The following PRKD1 variants were observed in gnomAD, a reference collection of about 807,000 sequenced individuals.
PRKD1 encodes the protein protein kinase D1, also known as serine/threonine-protein kinase D1.
In PRKD1, 63 loss-of-function variants were observed where a neutral mutation model predicts 95.9. The ratio of observed to expected loss-of-function variants is 0.66; its 90% CI spans 0.54 to 0.81. The LOEUF is 0.81. PRKD1 is among the 30% of genes least tolerant of loss of function. The pLI is 0.00. For missense variants in PRKD1, 1,048 were observed against 1,165.3 expected (o/e 0.90, Z 1.47); for synonymous variants, 425 against 423.1 (o/e 1.00, Z -0.05).
intron 2 of PRKD1, among the ~76,000 whole-genome samples, chr14:29,699,160 A>G (rs1884694844): frequency 6.6e-6 from 1 of 152,226 alleles, no homozygotes; most frequent in Non-Finnish European, 1.5e-5. Context: ...TCTACATGTG[A>G]AAGTATTTCT....
intron 1 of PRKD1, among the ~76,000 whole-genome samples, chr14:29,760,349 CTTT>C (rs36093531): frequency 5.3e-5 from 6 of 114,144 alleles, no homozygotes; most frequent in Admixed American, 3.0e-4. Context: ...ATTTTCTCAA[CTTT>C]TTTTTTTTTT....
intron 9 of PRKD1, among the ~76,000 whole-genome samples, chr14:29,632,422 G>A (rs144572741): frequency 6.6e-6 from 1 of 151,950 alleles, no homozygotes; most frequent in East Asian, 1.9e-4. Context: ...AAAAATTGCT[G>A]CCATTTTTTT....
chr14:29,608,501 G>T (rs766146722), intron 13 of PRKD1, among the ~76,000 whole-genome samples: 1 of 151,964 alleles, frequency 6.6e-6, no homozygotes, highest in South Asian at 2.1e-4. Context: ...TTTTCTCAGA[G>T]AATTAAAAAA....
chr14:29,599,810 T>C lies in PRKD1; in HGVS notation c.1913A>G (p.His638Arg). 6.2e-7 allele frequency: 1 copy of C among 1,606,994 alleles called. No homozygotes were observed. The highest frequency in any genetic ancestry group is 2.2e-5 in the East Asian group (1 of 44,802). Reference sequence around the variant, plus strand: ...CTCCAAATTTACAACACCAGGGTGATGAAGGTTCTATTAAAGATAAATAAA... The same window carrying C: ...CTCCAAATTTACAACACCAGGGTGACGAAGGTTCTATTAAAGATAAATAAA... ...RNEVAILQNL[H>R]HPGVVNLECM... is the part of the protein sequence containing the mutation. Residue 638 changes from histidine (H) to arginine (R), a missense_variant, in exon 14 of 18, where the codon CAT becomes CGT. Coordinates refer to ENST00000331968, the MANE Select transcript of PRKD1 (RefSeq NM_002742.3).
intron 4 of PRKD1, among the ~76,000 whole-genome samples, chr14:29,639,327 G>T (rs1880599469): frequency 6.6e-6 from 1 of 152,092 alleles, no homozygotes; most frequent in Non-Finnish European, 1.5e-5. Context: ...AATGCCTCCT[G>T]TTTGCCCTAC....
chr14:29,682,808 G>A (rs931082615), intron 2 of PRKD1, among the ~76,000 whole-genome samples: 1 of 152,198 alleles, frequency 6.6e-6, no homozygotes, highest in Non-Finnish European at 1.5e-5. Flanking sequence ...TAAATGTGGT[G>A]CTTAAAATGC....
intron 1 of PRKD1, among the ~76,000 whole-genome samples, chr14:29,897,215 C>T (rs1371136487): frequency 6.6e-6 from 1 of 152,100 alleles, no homozygotes; most frequent in Non-Finnish European, 1.5e-5. Context: ...TCCACATCCA[C>T]ATTTTAATCT....
At chr14:29,751,459 C>T (rs942567039) in intron 1 of PRKD1, among the ~76,000 whole-genome samples, 1 of 152,120 alleles carries the variant, frequency 6.6e-6, no homozygotes, top group African/African-American at 2.4e-5. Context: ...TTTATAAGGA[C>T]ATGATGTCTA....
chr14:29,689,031 A>G (rs111574374), intron 2 of PRKD1, among the ~76,000 whole-genome samples: 10,166 of 151,462 alleles, frequency 0.067, 876 homozygotes, highest in African/African-American at 0.2. Context: ...TCTATGCAAT[A>G]CCATTCAGGA....
chr14:29,790,257 G>A (rs375265427), intron 1 of PRKD1, among the ~76,000 whole-genome samples: 34 of 151,624 alleles, frequency 2.2e-4, no homozygotes, highest in East Asian at 1.9e-4. Context: ...TGACCTGCCC[G>A]CCTCAGCCTC....
chr14:29,726,008 A>C (rs150142424), intron 1 of PRKD1, among the ~76,000 whole-genome samples: 261 of 152,272 alleles, frequency 1.7e-3, no homozygotes, highest in Middle Eastern at 6.8e-3. Context: ...GTGCACTTTC[A>C]GATGATTTAC....
At chr14:29,869,987 T>C (rs1404664915) in intron 1 of PRKD1, among the ~76,000 whole-genome samples, 1 of 152,136 alleles carries the variant, frequency 6.6e-6, no homozygotes, top group African/African-American at 2.4e-5. Flanking sequence ...TCTTAATGAT[T>C]CTCCTTCAAT....
chr14:29,781,458 A>G (rs1464945711), intron 1 of PRKD1, among the ~76,000 whole-genome samples: 1 of 152,176 alleles, frequency 6.6e-6, no homozygotes, highest in African/African-American at 2.4e-5. Context: ...CCATCAGTTC[A>G]GCTACCACTG....
intron 4 of PRKD1, among the ~76,000 whole-genome samples, chr14:29,653,335 G>A (rs1286114819): frequency 6.6e-6 from 1 of 152,066 alleles, no homozygotes; most frequent in Non-Finnish European, 1.5e-5. Context: ...TAGGCTAGAA[G>A]CATTTAATTC....
chr14:29,866,149 A>G (rs1299898383), intron 1 of PRKD1, among the ~76,000 whole-genome samples: 1 of 152,140 alleles, frequency 6.6e-6, no homozygotes, highest in Non-Finnish European at 1.5e-5. Flanking sequence ...AAAAGCAGCC[A>G]TAAAAATTTA....
chr14:29,772,592 C>G (rs978752130), intron 1 of PRKD1, among the ~76,000 whole-genome samples: 2 of 152,086 alleles, frequency 1.3e-5, no homozygotes, highest in African/African-American at 4.8e-5. Flanking sequence ...CTGAAATGTT[C>G]TTGATACCTA....
chr14:29,708,496 T>C (rs1447380119), intron 2 of PRKD1, among the ~76,000 whole-genome samples: 9 of 152,172 alleles, frequency 5.9e-5, no homozygotes, highest in Admixed American at 5.9e-4. Flanking sequence ...AGATATTTCG[T>C]TCTTACTAAT....
chr14:29,770,388 A>G (rs892182733), intron 1 of PRKD1, among the ~76,000 whole-genome samples: 2 of 152,228 alleles, frequency 1.3e-5, no homozygotes, highest in African/African-American at 4.8e-5. Context: ...AAGGACTAGA[A>G]AAAGTGATTC....
intron 4 of PRKD1, among the ~76,000 whole-genome samples, chr14:29,645,688 A>G (rs1881078109): frequency 1.3e-5 from 2 of 152,020 alleles, no homozygotes; most frequent in South Asian, 4.1e-4. Flanking sequence ...TCTGTGCCCA[A>G]TTAGTTTATT....
Sources: gnomAD v4.1 joint callset for allele counts (sites outside exome capture counted in the v4.1 genomes callset) on GRCh38, gnomAD v4.1.1 for gene constraint, MANE v1.5 for transcripts, NCBI Gene and HGNC (gene_info 2026-07-23, HGNC 2026-07-21) for gene names.